Variants in ARK2N observed in about 807,000 individuals in gnomAD.
The protein encoded by ARK2N is arkadia (RNF111) N-terminal like PKA signaling regulator 2N, also known as protein ARK2N.
chr18:46,185,735 C>T, the ARK2N span, among the ~76,000 whole-genome samples: 2 of 152,096 alleles, frequency 1.3e-5, no homozygotes, highest in African/African-American at 4.8e-5. Context: ...GCCTGTAATC[C>T]CAGTACTTTG....
chr18:46,255,767 T>TA, the ARK2N span, among the ~76,000 whole-genome samples: 1 of 152,024 alleles, frequency 6.6e-6, no homozygotes, highest in African/African-American at 2.4e-5. Flanking sequence ...TCTTTTTTTT[T>TA]AATGATTATT....
At chr18:46,211,632 G>T in the ARK2N span, among the ~76,000 whole-genome samples, 1 of 152,186 alleles carries the variant, frequency 6.6e-6, no homozygotes, top group Non-Finnish European at 1.5e-5. Flanking sequence ...GGGTGTGGCA[G>T]GTGGACGAGA....
At chr18:46,195,500 T>C in the ARK2N span, among the ~76,000 whole-genome samples, 6 of 150,600 alleles carry the variant, frequency 4.0e-5, no homozygotes, top group African/African-American at 1.2e-4. Flanking sequence ...CCTCCTGCCT[T>C]GGCCTCCCAA....
chr18:46,266,191 TCTTTA>T, the ARK2N span: 5 of 152,350 alleles, frequency 3.3e-5, no homozygotes, highest in African/African-American at 1.2e-4. Flanking sequence ...CATTTGTTCA[TCTTTA>T]CTTTTAGCAG....
chr18:46,210,936 T>C, the ARK2N span, among the ~76,000 whole-genome samples: 1 of 146,954 alleles, frequency 6.8e-6, no homozygotes, highest in Non-Finnish European at 1.5e-5. Flanking sequence ...AGAACTCACG[T>C]TGGTGGATGG....
chr18:46,175,316 G>T, the ARK2N span, among the ~76,000 whole-genome samples: 1 of 152,228 alleles, frequency 6.6e-6, no homozygotes, highest in Non-Finnish European at 1.5e-5. Flanking sequence ...CTTCGTCAAG[G>T]TTGGACCTCT....
At chr18:46,241,962 G>A in the ARK2N span, among the ~76,000 whole-genome samples, 144 of 150,396 alleles carry the variant, frequency 9.6e-4, 1 homozygote, top group South Asian at 2.2e-3. Flanking sequence ...GATTACAGGC[G>A]CGCACCACCA....
chr18:46,253,203 A>T, the ARK2N span, among the ~76,000 whole-genome samples: 1 of 152,128 alleles, frequency 6.6e-6, no homozygotes, highest in Admixed American at 6.5e-5. Context: ...ATTAGTGATT[A>T]CTTCTATTAT....
At chr18:46,215,034 A>G in the ARK2N span, among the ~76,000 whole-genome samples, 21 of 152,250 alleles carry the variant, frequency 1.4e-4, no homozygotes, top group South Asian at 1.0e-3. Flanking sequence ...ACATAAATGT[A>G]GGGGCCAGGC....
chr18:46,228,528 A>AT, the ARK2N span, among the ~76,000 whole-genome samples: 13 of 151,510 alleles, frequency 8.6e-5, no homozygotes, highest in Non-Finnish European at 1.5e-4. Context: ...AGCTCTGTAG[A>AT]TTTTTTTTTG....
chr18:46,189,017 C>G, the ARK2N span, among the ~76,000 whole-genome samples: 1 of 151,990 alleles, frequency 6.6e-6, no homozygotes, highest in Admixed American at 6.6e-5. Context: ...GAGTTCGAGA[C>G]CAGCCTAGAC....
the ARK2N span, among the ~76,000 whole-genome samples, chr18:46,210,380 T>C: frequency 6.6e-6 from 1 of 152,106 alleles, no homozygotes; most frequent in Non-Finnish European, 1.5e-5. Context: ...CATGAGCAAC[T>C]GAGATAATAG....
the ARK2N span, among the ~76,000 whole-genome samples, chr18:46,191,635 G>T: frequency 2.0e-5 from 3 of 152,184 alleles, no homozygotes; most frequent in Non-Finnish European, 2.9e-5. Flanking sequence ...AGAAAGGCAC[G>T]GTTATTGCAA....
At chr18:46,192,271 G>A in the ARK2N span, among the ~76,000 whole-genome samples, 1 of 152,138 alleles carries the variant, frequency 6.6e-6, no homozygotes, top group Non-Finnish European at 1.5e-5. Context: ...AGAGCAGAGA[G>A]TGATTAAGAA....
the ARK2N span, among the ~76,000 whole-genome samples, chr18:46,186,875 A>G: frequency 4.8e-3 from 637 of 133,632 alleles, 5 homozygotes; most frequent in African/African-American, 0.016. Context: ...TTTTTTTTAG[A>G]TGGAGTTTCT....
chr18:46,222,968 T>C, the ARK2N span, among the ~76,000 whole-genome samples: 1 of 152,214 alleles, frequency 6.6e-6, no homozygotes. Flanking sequence ...TTCCTGTTTT[T>C]AAGGGCTCAA....
At chr18:46,263,053 G>A in the ARK2N span, 1 of 1,614,174 alleles carries the variant, frequency 6.2e-7, no homozygotes, top group Non-Finnish European at 8.5e-7. Context: ...GCAGACTTGG[G>A]CTTCACCAGC....
chr18:46,194,496 G>A, the ARK2N span, among the ~76,000 whole-genome samples: 3 of 150,168 alleles, frequency 2.0e-5, no homozygotes, highest in South Asian at 2.1e-4. Context: ...TTTTTGAGAC[G>A]GAGTCTCGCT....
chr18:46,216,331 A>G, the ARK2N span: 2 of 1,614,112 alleles, frequency 1.2e-6, no homozygotes, highest in Non-Finnish European at 1.7e-6. This position sits in a 1 kb window ranked among gnomAD's most constrained non-coding sequence, Gnocchi z 4.3. Context: ...TGAAACTTCC[A>G]CTATGGCTGC....
Sources: allele counts gnomAD v4.1 joint callset (sites outside exome capture counted in the v4.1 genomes callset), GRCh38; gene constraint gnomAD v4.1.1; non-coding constraint Gnocchi (gnomAD v3.1); transcripts MANE v1.5; gene names NCBI Gene and HGNC (gene_info 2026-07-23, HGNC 2026-07-21).